CREB3L2: variants seen among roughly 807,000 people sequenced by gnomAD.
CREB3L2 encodes the protein cAMP responsive element binding protein 3 like 2.
A neutral mutation model predicts 57.2 loss-of-function variants in CREB3L2; 23 were observed. The observed-to-expected ratio is 0.40, with a 90% CI of 0.29 to 0.57. The LOEUF is 0.57. Among genes scored for constraint, CREB3L2 ranks in the 20% least tolerant of loss-of-function variants. CREB3L2 has a pLI of 0.42. For synonymous variants in CREB3L2, 268 were observed against 265.1 expected, an observed-to-expected ratio of 1.01 and a Z score of -0.11; for missense variants, 628 against 634.7, an observed-to-expected ratio of 0.99 and a Z score of 0.11.
At chr7:137,927,005 A>T (rs562234913) in intron 2 of CREB3L2, among the ~76,000 whole-genome samples, 4 of 152,122 alleles carry the variant, frequency 2.6e-5, no homozygotes, top group South Asian at 4.2e-4. Context: ...AAAAATAAAA[A>T]AATTAGCCAG....
At chr7:137,922,438 G>A (rs28641484) in intron 2 of CREB3L2, among the ~76,000 whole-genome samples, 493 of 9,364 alleles carry the variant, frequency 0.053, 1 homozygote, top group Middle Eastern at 0.1. Context: ...ATATATATAC[G>A]TATATATATA....
chr7:137,914,001 A>G (rs1455658562), intron 3 of CREB3L2, among the ~76,000 whole-genome samples: 2 of 152,170 alleles, frequency 1.3e-5, no homozygotes, highest in Non-Finnish European at 2.9e-5. Flanking sequence ...TAAATTACAT[A>G]TAGCCACAAT....
At chr7:137,973,859 AC>A (rs1296652532) in intron 1 of CREB3L2, among the ~76,000 whole-genome samples, 2 of 152,166 alleles carry the variant, frequency 1.3e-5, no homozygotes, top group Non-Finnish European at 2.9e-5. Context: ...ATTTCCAACA[AC>A]CTGAAAACAT....
chr7:137,935,241 C>T (rs2117250808), intron 1 of CREB3L2, among the ~76,000 whole-genome samples: 1 of 152,328 alleles, frequency 6.6e-6, no homozygotes, highest in East Asian at 1.9e-4. Context: ...ACACCTAACA[C>T]TTCACTGCAT....
chr7:137,961,896 G>A (rs1256546158), intron 1 of CREB3L2, among the ~76,000 whole-genome samples: 2 of 151,992 alleles, frequency 1.3e-5, no homozygotes, highest in East Asian at 1.9e-4. Context: ...CAGTCTCTCC[G>A]TGGCAGGCCC....
intron 8 of CREB3L2, among the ~76,000 whole-genome samples, chr7:137,897,116 G>T (rs924257754): frequency 2.6e-5 from 4 of 152,122 alleles, no homozygotes; most frequent in African/African-American, 9.7e-5. Context: ...GAAAAAAAAG[G>T]TAATTATGTG....
In CREB3L2 at chr7:137,877,317, G is replaced by A. The variant is rs1799179576; in HGVS notation, c.*3159C>T. 1 of 226,786 alleles carries A rather than the reference G, an allele frequency of 4.4e-6. No homozygotes were observed. The highest frequency in any genetic ancestry group is 1.8e-4 in the South Asian group (1 of 5,488). 14.0% of individuals were successfully genotyped at this position (226,786 alleles called of 1,614,324 possible). Reference sequence around the variant, plus strand: ...AGGTTATCTAATTTTGCCCATATTGGTGTCAAATCTCATCCCCACTCCCTG... The same window carrying A: ...AGGTTATCTAATTTTGCCCATATTGATGTCAAATCTCATCCCCACTCCCTG... On this transcript the variant is annotated 3_prime_UTR_variant, in exon 12 of 12. Coordinates refer to ENST00000330387, the MANE Select transcript of CREB3L2 (RefSeq NM_194071.4).
chr7:137,917,761 T>C (rs1290923907), intron 2 of CREB3L2, among the ~76,000 whole-genome samples: 2 of 152,198 alleles, frequency 1.3e-5, no homozygotes, highest in Non-Finnish European at 2.9e-5. Context: ...CAGTTTATAA[T>C]TGATGAATTA....
At chr7:137,940,077 C>T (rs1205914574) in intron 1 of CREB3L2, among the ~76,000 whole-genome samples, 1 of 152,158 alleles carries the variant, frequency 6.6e-6, no homozygotes, top group Non-Finnish European at 1.5e-5. Context: ...CAGTTTTCAA[C>T]CCTTTTACAT....
intron 1 of CREB3L2, among the ~76,000 whole-genome samples, chr7:137,982,544 A>G (rs1801728940): frequency 6.6e-6 from 1 of 152,162 alleles, no homozygotes; most frequent in Non-Finnish European, 1.5e-5. Flanking sequence ...GTGATAGTGA[A>G]TAAGTCTCAC....
intron 2 of CREB3L2, chr7:137,922,732 C>A: frequency 4.8e-6 from 2 of 416,360 alleles, no homozygotes; most frequent in Non-Finnish European, 4.9e-6. Context: ...ACAGGGAGGG[C>A]GGACCGTACA....
chr7:137,978,159 C>T (rs552333421), intron 1 of CREB3L2, among the ~76,000 whole-genome samples: 2 of 152,010 alleles, frequency 1.3e-5, no homozygotes, highest in African/African-American at 4.8e-5. Flanking sequence ...AAATCAGAGA[C>T]CATGGAGCAC....
At chr7:137,899,384 C>T (rs1400367149) in intron 8 of CREB3L2, among the ~76,000 whole-genome samples, 2 of 152,218 alleles carry the variant, frequency 1.3e-5, no homozygotes, top group Non-Finnish European at 2.9e-5. Flanking sequence ...TTCCCCTTTT[C>T]GCCAATTCTT....
intron 8 of CREB3L2, among the ~76,000 whole-genome samples, chr7:137,886,994 C>G (rs1054316144): frequency 6.6e-6 from 1 of 152,126 alleles, no homozygotes; most frequent in Non-Finnish European, 1.5e-5. Flanking sequence ...CATCCCCCAC[C>G]CCCAAACCCA....
intron 8 of CREB3L2, among the ~76,000 whole-genome samples, chr7:137,887,316 C>T (rs925342492): frequency 1.4e-4 from 22 of 152,252 alleles, no homozygotes; most frequent in Admixed American, 1.1e-3. Context: ...GACAGGTTGG[C>T]CACAAGAATG....
chr7:137,933,068 T>C (rs544418466), intron 1 of CREB3L2, among the ~76,000 whole-genome samples: 2 of 152,336 alleles, frequency 1.3e-5, no homozygotes, highest in East Asian at 3.9e-4. Context: ...TTCCTGATTA[T>C]ACAACAATCT....
chr7:137,904,876 C>T (rs10272404), intron 6 of CREB3L2, among the ~76,000 whole-genome samples: 10,620 of 149,812 alleles, frequency 0.071, 908 homozygotes, highest in African/African-American at 0.21. Context: ...GAAAAGAAAA[C>T]AATGGACACT....
At chr7:137,932,722 C>G (rs1800679214) in intron 1 of CREB3L2, among the ~76,000 whole-genome samples, 1 of 152,192 alleles carries the variant, frequency 6.6e-6, no homozygotes, top group African/African-American at 2.4e-5. Flanking sequence ...TTACAAAGTT[C>G]CTACAAGTTC....
rs750937382 is a variant in CREB3L2 at position 137,882,622 on chromosome 7, G to C, written c.1277C>G (p.Ser426Cys). Reference sequence around the variant, plus strand: ...TTCCTCGTAGATCAGCAGGTTTCTGGATCTCACTGAGGACAGAGCAGAATA... The same window carrying C: ...TTCCTCGTAGATCAGCAGGTTTCTGCATCTCACTGAGGACAGAGCAGAATA... ...QEPYTASVVR[S>C]RNLLIYEEHS... Residue 426 changes from serine (S) to cysteine (C), a missense_variant, in exon 11 of 12, where the codon TCC becomes TGC. Ser to Cys is a moderately radical substitution (Grantham distance 112). This residue lies in a region of CREB3L2 where 272 missense variants were observed against 242.7 expected (regional missense o/e 1.12). Transcript: ENST00000330387. The C allele has an allele frequency of 1.9e-6, 3 of 1,601,258 alleles. No homozygotes were observed. The highest frequency in any genetic ancestry group is 2.6e-6 in the Non-Finnish European group (3 of 1,171,706).
Sources: gnomAD v4.1 joint callset for allele counts (sites outside exome capture counted in the v4.1 genomes callset) on GRCh38, gnomAD v4.1.1 for gene constraint, gnomAD v4.1.1 regional missense constraint, MANE v1.5 for transcripts, NCBI Gene and HGNC (gene_info 2026-07-23, HGNC 2026-07-21) for gene names.